The following FSTL5 variants were observed in gnomAD, a reference collection of about 807,000 sequenced individuals.
The protein encoded by FSTL5 is follistatin-related protein 5.
Under a neutral mutation model 89.1 loss-of-function variants are expected in FSTL5, and 62 were observed. The observed-to-expected ratio is 0.70, with a 90% CI of 0.57 to 0.86. The LOEUF (loss-of-function observed/expected upper bound fraction) is 0.86. Among genes scored for constraint, FSTL5 ranks in the 40% least tolerant of loss-of-function variants. The pLI is 0.00. For missense variants in FSTL5, 1,057 were observed against 1,001.6 expected (o/e 1.06, Z -0.75); for synonymous variants, 383 against 346.2 (o/e 1.11, Z -1.18).
chr4:162,133,799 T>G (rs1732413487), intron 1 of FSTL5, among the ~76,000 whole-genome samples: 1 of 152,248 alleles, frequency 6.6e-6, no homozygotes, highest in Non-Finnish European at 1.5e-5. Context: ...AGCTTTATAA[T>G]GATAAAGGAT....
At chr4:161,498,356 T>G (rs2126481238) in intron 12 of FSTL5, among the ~76,000 whole-genome samples, 1 of 152,222 alleles carries the variant, frequency 6.6e-6, no homozygotes, top group Admixed American at 6.5e-5. Flanking sequence ...GTGATTAAAT[T>G]AACTCACCCA....
At chr4:161,901,082 C>T (rs1391991195) in intron 4 of FSTL5, among the ~76,000 whole-genome samples, 2 of 151,804 alleles carry the variant, frequency 1.3e-5, no homozygotes, top group African/African-American at 4.8e-5. Context: ...TTTATTCACT[C>T]ATACATCACA....
intron 7 of FSTL5, among the ~76,000 whole-genome samples, chr4:161,610,626 C>G (rs1022040929): frequency 1.3e-5 from 2 of 152,068 alleles, no homozygotes; most frequent in African/African-American, 2.4e-5. Context: ...CAACAGTTTC[C>G]TTATCCTGTG....
intron 4 of FSTL5, among the ~76,000 whole-genome samples, chr4:161,912,421 T>C (rs909378551): frequency 2.0e-5 from 3 of 152,146 alleles, no homozygotes; most frequent in Non-Finnish European, 4.4e-5. Flanking sequence ...GGCCAGTCTT[T>C]CCTGTGCTAT....
chr4:162,134,502 T>A (rs1025586387), intron 1 of FSTL5, among the ~76,000 whole-genome samples: 4 of 151,152 alleles, frequency 2.6e-5, no homozygotes, highest in Admixed American at 2.6e-4. Flanking sequence ...CATTTGTTCA[T>A]GAAATATACC....
chr4:161,702,069 C>A (rs1560798258), intron 6 of FSTL5, among the ~76,000 whole-genome samples: 1 of 152,002 alleles, frequency 6.6e-6, no homozygotes, highest in Admixed American at 6.6e-5. Context: ...GACATGGGTA[C>A]CATTAATGGG....
chr4:161,771,002 G>A lies in FSTL5; in HGVS notation c.606+4876C>T, dbSNP rs1213438653. Among the ~76,000 whole-genome samples, 4 of 151,968 alleles carry A rather than the reference G, an allele frequency of 2.6e-5. No homozygotes were observed. In the East Asian group the frequency reaches 5.8e-4, roughly 22 times the overall value. On this transcript the variant is annotated intron_variant, in intron 5 of 15. Coordinates refer to ENST00000306100, the MANE Select transcript of FSTL5 (RefSeq NM_020116.5). ...TGAACAAAACGAATATTGTGCTATC[G>A]TTTATTTTTCTAATTTCTTGAAATA...
In FSTL5 at chr4:161,617,708, T is replaced by A. The variant is rs118181680; in HGVS notation, c.895-30133A>T. Reference sequence around the variant, plus strand: ...CCATTAGGGAGAAACAAAAAAGACCTGAGAATGATGAAATGACATCTTTAA... The same window carrying A: ...CCATTAGGGAGAAACAAAAAAGACCAGAGAATGATGAAATGACATCTTTAA... On this transcript the variant is annotated intron_variant, in intron 7 of 15. Transcript: ENST00000306100. 1.2e-4 allele frequency among the ~76,000 whole-genome samples: 19 copies of A among 152,212 alleles called. 1 individual carries two copies. The East Asian group carries it at 1.9e-3, about 15-fold the overall frequency.
At chr4:162,001,547 G>A (rs145988913) in intron 3 of FSTL5, among the ~76,000 whole-genome samples, 1,591 of 152,000 alleles carry the variant, frequency 0.01, 30 homozygotes, top group African/African-American at 0.036. Flanking sequence ...TATGTTGTGA[G>A]TTGTCAGTTG....
In FSTL5 at chr4:162,033,660, TG is replaced by T; in HGVS notation, c.127-3del. 1 of 1,490,666 alleles carries T rather than the reference TG, an allele frequency of 6.7e-7. No individual in the cohort carries two copies. Among genetic ancestry groups the T allele is most frequent in the Non-Finnish European group, 9.2e-7 (1 of 1,086,252 alleles). 92.3% of individuals were successfully genotyped at this position (1,490,666 alleles called of 1,614,324 possible). A position where few individuals can be genotyped will look rare whatever the true frequency, so the allele number is the denominator to read the frequency against. ...TGAACTTTCTTGATTTTTTTCCTGC[TG>T]GAAATAAAACAGAAAATAGGTCAAA... On this transcript the variant is annotated splice_region_variant and splice_polypyrimidine_tract_variant and intron_variant, in intron 2 of 15. Coordinates refer to ENST00000306100, the MANE Select transcript of FSTL5 (RefSeq NM_020116.5).
rs201582755 is a variant in FSTL5 at position 161,831,799 on chromosome 4, C to CATATATAT, written c.410-55733_410-55726dup. ...GGAACAGCATAATAATATATAACAG[C>CATATATAT]ATATATATACATATATATGCCATTC... On this transcript the variant is annotated intron_variant, in intron 4 of 15. Transcript: ENST00000306100. Among the ~76,000 whole-genome samples the CATATATAT allele has an allele frequency of 3.4e-3, 521 of 151,566 alleles. 3 individuals carry two copies. Among genetic ancestry groups the CATATATAT allele is most frequent in the African/African-American group, 0.012 (507 of 41,338 alleles).
intron 15 of FSTL5, 102 bp downstream of exon 15, chr4:161,454,902 T>C (rs908793489): frequency 1.9e-6 from 2 of 1,039,448 alleles, no homozygotes; most frequent in African/African-American, 3.2e-5. Flanking sequence ...CAATTGTACA[T>C]GTGTATTTGT....
At chr4:161,536,278 A>T (rs1426454801) in intron 10 of FSTL5, among the ~76,000 whole-genome samples, 1 of 152,178 alleles carries the variant, frequency 6.6e-6, no homozygotes, top group Non-Finnish European at 1.5e-5. Context: ...AAAGAAAGAA[A>T]ATATCTAGCA....
chr4:161,751,512 G>T (rs1185386270), intron 6 of FSTL5, among the ~76,000 whole-genome samples: 1 of 152,090 alleles, frequency 6.6e-6, no homozygotes, highest in East Asian at 1.9e-4. Flanking sequence ...ATCAGCCCTG[G>T]CACAGGGACT....
At chr4:161,689,748 A>G (rs1737866547) in intron 6 of FSTL5, among the ~76,000 whole-genome samples, 1 of 152,118 alleles carries the variant, frequency 6.6e-6, no homozygotes, top group Non-Finnish European at 1.5e-5. Context: ...CTCTGGTTTC[A>G]AAAATTCTGT....
intron 13 of FSTL5, among the ~76,000 whole-genome samples, chr4:161,472,970 G>C (rs1734000772): frequency 6.6e-6 from 1 of 152,090 alleles, no homozygotes; most frequent in Non-Finnish European, 1.5e-5. Flanking sequence ...TGATCCACCT[G>C]CCTTGGCCTC....
chr4:161,919,014 ATGC>A (rs1733918367), intron 4 of FSTL5, among the ~76,000 whole-genome samples: 1 of 152,066 alleles, frequency 6.6e-6, no homozygotes, highest in African/African-American at 2.4e-5. Flanking sequence ...TGAGAATATG[ATGC>A]TAAGTTAAAA....
chr4:161,526,519 C>T (rs998940752), intron 10 of FSTL5, among the ~76,000 whole-genome samples: 3 of 152,126 alleles, frequency 2.0e-5, no homozygotes, highest in Non-Finnish European at 4.4e-5. Flanking sequence ...GAAGTCCTTG[C>T]CCATGCCTAT....
intron 4 of FSTL5, among the ~76,000 whole-genome samples, chr4:161,881,558 C>A (rs1732630864): frequency 6.6e-6 from 1 of 152,036 alleles, no homozygotes; most frequent in Non-Finnish European, 1.5e-5. Context: ...GATTTCAACT[C>A]CAGCGCGTTT....
Sources: gnomAD v4.1 joint callset for allele counts (sites outside exome capture counted in the v4.1 genomes callset) on GRCh38, gnomAD v4.1.1 for gene constraint, MANE v1.5 for transcripts, NCBI Gene and HGNC (gene_info 2026-07-23, HGNC 2026-07-21) for gene names.